Variants in KAZN observed in about 807,000 individuals in gnomAD.
KAZN encodes the protein kazrin.
In KAZN, 40 loss-of-function variants were observed where a neutral mutation model predicts 87.4. That is an observed-to-expected ratio of 0.46 (90% CI 0.36 to 0.60). The LOEUF is 0.60. Among genes scored for constraint, KAZN ranks in the 20% least tolerant of loss-of-function variants. The probability of loss-of-function intolerance (pLI) is 0.00; values close to 1 mark genes in which losing one functional copy is unlikely to be tolerated. For synonymous variants in KAZN, 466 were observed against 458.3 expected, an observed-to-expected ratio of 1.02 and a Z score of -0.22; for missense variants, 898 against 1,073.9, an observed-to-expected ratio of 0.84 and a Z score of 2.29.
At chr1:15,029,471 G>A (rs1313716230) in intron 2 of KAZN, among the ~76,000 whole-genome samples, 1 of 152,180 alleles carries the variant, frequency 6.6e-6, no homozygotes, top group East Asian at 1.9e-4. Context: ...ACCCCACCAT[G>A]GAGGCAGCCC....
At chr1:14,389,709 T>C (rs1056941786) in intron 2 of KAZN, among the ~76,000 whole-genome samples, 17 of 151,832 alleles carry the variant, frequency 1.1e-4, no homozygotes, top group African/African-American at 3.9e-4. Context: ...CTGGGAAGGG[T>C]AGTCAAGAGG....
intron 1 of KAZN, among the ~76,000 whole-genome samples, chr1:14,608,845 T>C (rs1298456048): frequency 6.6e-6 from 1 of 152,250 alleles, no homozygotes; most frequent in African/African-American, 2.4e-5. Context: ...TTGATTGACT[T>C]AAACATGGTG....
chr1:14,318,653 C>T lies in KAZN; in HGVS notation c.249+138061C>T, dbSNP rs886293933. On this transcript the variant is annotated intron_variant, in intron 2 of 16. Transcript: ENST00000636203. ...AAATATTTTTTCTCTTCCCTTTTTG[C>T]AAACTTCTATAACATGTACATGAGA... is the stretch of plus-strand genomic sequence containing the variant. Among the ~76,000 whole-genome samples, 5 of 151,832 alleles carry T rather than the reference C, an allele frequency of 3.3e-5. No individual in the cohort carries two copies. In the South Asian group the frequency reaches 1.0e-3, roughly 31 times the overall value.
intron 1 of KAZN, among the ~76,000 whole-genome samples, chr1:14,750,343 T>C (rs917117631): frequency 6.6e-6 from 1 of 152,170 alleles, no homozygotes; most frequent in Non-Finnish European, 1.5e-5. Context: ...GGCTCCTGAA[T>C]TTCCACAGCA....
At chr1:15,014,560 C>T (rs544029456) in intron 2 of KAZN, among the ~76,000 whole-genome samples, 2 of 152,226 alleles carry the variant, frequency 1.3e-5, no homozygotes, top group South Asian at 2.1e-4. Flanking sequence ...ATTTCCAGCA[C>T]GTTGGAAAAG....
intron 2 of KAZN, among the ~76,000 whole-genome samples, chr1:14,387,492 G>C (rs1662029691): frequency 6.6e-6 from 1 of 151,432 alleles, no homozygotes; most frequent in East Asian, 1.9e-4. Flanking sequence ...TGGGTTTTTG[G>C]TGTGGATGTC....
At chr1:14,083,036 C>CA (rs1643739190) in intron 1 of KAZN, among the ~76,000 whole-genome samples, 1 of 152,212 alleles carries the variant, frequency 6.6e-6, no homozygotes, top group East Asian at 1.9e-4. Flanking sequence ...ACTAAAAATA[C>CA]AAAAAATTAG....
intron 2 of KAZN, among the ~76,000 whole-genome samples, chr1:14,322,832 T>C (rs141989248): frequency 7.9e-4 from 121 of 152,312 alleles, no homozygotes; most frequent in Non-Finnish European, 1.5e-3. Context: ...CCCACATGTA[T>C]TAGTTTGTTT....
chr1:14,045,806 C>T (rs1642044875), intron 1 of KAZN, among the ~76,000 whole-genome samples: 1 of 152,172 alleles, frequency 6.6e-6, no homozygotes, highest in Admixed American at 6.5e-5. Context: ...GTGTAAAGGA[C>T]TTAACATAGT....
chr1:13,967,306 C>G (rs1057202181), intron 1 of KAZN, among the ~76,000 whole-genome samples: 7 of 152,136 alleles, frequency 4.6e-5, no homozygotes, highest in African/African-American at 1.7e-4. Context: ...CCCACTCTCA[C>G]CTACCCTGCA....
At chr1:13,904,152 C>T (rs1203979066) in intron 1 of KAZN, among the ~76,000 whole-genome samples, 2 of 152,162 alleles carry the variant, frequency 1.3e-5, no homozygotes, top group South Asian at 2.1e-4. Context: ...AGGACTAGGG[C>T]AAGGGAGCAG....
At position 14,003,851 on chromosome 1, in the gene KAZN, A is replaced by G. The variant is rs139151965; in HGVS notation, c.91+110095A>G. 8.4e-3 allele frequency among the ~76,000 whole-genome samples: 1,273 copies of G among 152,276 alleles called. 23 individuals carry two copies. The highest frequency in any genetic ancestry group is 0.029 in the African/African-American group (1,224 of 41,548). Reference sequence around the variant, plus strand: ...AAATGAGATCCAGAAAGCTCTAACCATAACGAAAAAAGGAACTGGTAAATA... The same window carrying G: ...AAATGAGATCCAGAAAGCTCTAACCGTAACGAAAAAAGGAACTGGTAAATA... On this transcript the variant is annotated intron_variant, in intron 1 of 16. Coordinates refer to the KAZN transcript ENST00000636203.
At chr1:14,465,126 G>A (rs764163382) in intron 2 of KAZN, among the ~76,000 whole-genome samples, 3 of 151,956 alleles carry the variant, frequency 2.0e-5, no homozygotes, top group Non-Finnish European at 2.9e-5. Context: ...CCAGCCAGGT[G>A]TGGTGGCTCA....
intron 1 of KAZN, among the ~76,000 whole-genome samples, chr1:13,945,679 T>TTGTG (rs60728794): frequency 0.021 from 2,649 of 123,318 alleles, 68 homozygotes; most frequent in African/African-American, 0.05. Context: ...TGCTCTCAGT[T>TTGTG]TGTGTGTGTG....
At chr1:14,139,846 T>C (rs181750796) in intron 1 of KAZN, among the ~76,000 whole-genome samples, 3 of 152,310 alleles carry the variant, frequency 2.0e-5, no homozygotes, top group African/African-American at 7.2e-5. Context: ...TAAAATTCTT[T>C]ATGGTCAAAT....
chr1:14,535,425 T>C (rs1426767351), intron 2 of KAZN, among the ~76,000 whole-genome samples: 1 of 152,310 alleles, frequency 6.6e-6, no homozygotes, highest in East Asian at 1.9e-4. Flanking sequence ...CCCAGCACTT[T>C]GGGAGGCCAA....
chr1:14,883,496 T>TC (rs1318709035), intron 1 of KAZN, among the ~76,000 whole-genome samples: 2,441 of 151,834 alleles, frequency 0.016, 87 homozygotes, highest in African/African-American at 0.056. Context: ...GTGGCCTCTG[T>TC]CCCACCTTTT....
At chr1:14,922,426 A>G (rs1214148102) in intron 1 of KAZN, among the ~76,000 whole-genome samples, 1 of 152,152 alleles carries the variant, frequency 6.6e-6, no homozygotes, top group Non-Finnish European at 1.5e-5. Flanking sequence ...ATCTCTGGTC[A>G]CTTGGTGTGG....
intron 1 of KAZN, among the ~76,000 whole-genome samples, chr1:14,736,254 G>GGTGTGTGTGTGTGTGTGTGT (rs528070001): frequency 1.2e-4 from 14 of 115,298 alleles, no homozygotes; most frequent in East Asian, 5.8e-4. Context: ...GGGACTCAAG[G>GGTGTGTGTGTGTGTGTGTGT]GTGTGTGTGT....
Sources: allele counts gnomAD v4.1 joint callset (sites outside exome capture counted in the v4.1 genomes callset), GRCh38; gene constraint gnomAD v4.1.1; transcripts MANE v1.5; gene names NCBI Gene and HGNC (gene_info 2026-07-23, HGNC 2026-07-21).